Variants in BTRC observed in about 807,000 individuals in gnomAD.
The protein encoded by BTRC is beta-transducin repeat containing E3 ubiquitin protein ligase, also known as F-box/WD repeat-containing protein 1A.
In BTRC, 42 loss-of-function variants were observed where a neutral mutation model predicts 85.5. That is an observed-to-expected ratio of 0.49 (90% CI 0.38 to 0.64). The LOEUF is 0.64. Ranked by LOEUF, BTRC falls within the 30% of genes least tolerant of loss-of-function variation. The probability of loss-of-function intolerance (pLI) is 0.00; values close to 1 mark genes in which losing one functional copy is unlikely to be tolerated. For synonymous variants in BTRC, 255 were observed against 263.3 expected, an observed-to-expected ratio of 0.97 and a Z score of 0.30; for missense variants, 594 against 743.5, an observed-to-expected ratio of 0.80 and a Z score of 2.34.
intron 1 of BTRC, among the ~76,000 whole-genome samples, chr10:101,405,473 T>C (rs1943598165): frequency 6.6e-6 from 1 of 152,214 alleles, no homozygotes; most frequent in African/African-American, 2.4e-5. Context: ...CCTTCTGCAC[T>C]CCTTAAGCTA....
At chr10:101,358,336 C>A (rs1364882702) in intron 1 of BTRC, among the ~76,000 whole-genome samples, 1 of 152,106 alleles carries the variant, frequency 6.6e-6, no homozygotes, top group East Asian at 1.9e-4. Flanking sequence ...AACTCCTGGG[C>A]TCAAGGGGTC....
chr10:101,489,739 G>A (rs1167046794), intron 4 of BTRC, among the ~76,000 whole-genome samples: 2 of 152,056 alleles, frequency 1.3e-5, no homozygotes, highest in African/African-American at 4.8e-5. Flanking sequence ...TTCCTAAAAG[G>A]AAAGTTTCAT....
chr10:101,534,951 G>A (rs1422034838), intron 10 of BTRC, 41 bp downstream of exon 10: 3 of 1,588,794 alleles, frequency 1.9e-6, no homozygotes, highest in African/African-American at 2.7e-5. Context: ...CTTAGAATGG[G>A]GGAATTCATA....
At chr10:101,400,369 C>A (rs1224997214) in intron 1 of BTRC, among the ~76,000 whole-genome samples, 1 of 152,078 alleles carries the variant, frequency 6.6e-6, no homozygotes, top group East Asian at 1.9e-4. Flanking sequence ...TAAGGAGTAC[C>A]CAAGAGGGCT....
chr10:101,525,966 C>T (rs763109497), intron 5 of BTRC, 47 bp from the exon 6 acceptor site: 37 of 1,571,158 alleles, frequency 2.4e-5, no homozygotes, highest in Non-Finnish European at 2.7e-5. Flanking sequence ...AAAAATCATT[C>T]GCCACCTTCT....
At chr10:101,460,755 T>C (rs1433018908) in intron 2 of BTRC, among the ~76,000 whole-genome samples, 3 of 152,226 alleles carry the variant, frequency 2.0e-5, no homozygotes, top group Non-Finnish European at 4.4e-5. Context: ...AACACAGTAA[T>C]GATTGTATAT....
At position 101,521,888 on chromosome 10, in the gene BTRC, T is replaced by G. The variant is rs772829655; in HGVS notation, c.556+18T>G. The G allele has an allele frequency of 6.4e-7, 1 of 1,564,060 alleles. No homozygotes were observed. The highest frequency in any genetic ancestry group is 8.8e-7 in the Non-Finnish European group (1 of 1,136,752). ...TCTGCCAGGTATGTCTACAAGTGTT[T>G]GTAAACCATTAATTTGCTATGATGA... On this transcript the variant is annotated intron_variant, in intron 5 of 14. Transcript: ENST00000370187.
chr10:101,384,303 G>A (rs1157962354), intron 1 of BTRC, among the ~76,000 whole-genome samples: 1 of 152,194 alleles, frequency 6.6e-6, no homozygotes, highest in Non-Finnish European at 1.5e-5. Context: ...AGAGAGAAGA[G>A]GATGACCTTA....
At position 101,532,415 on chromosome 10, in the gene BTRC, C is replaced by T. The variant is rs770518438; in HGVS notation, c.961C>T (p.Arg321Ter). The change falls in exon 8 of 15, where the codon CGA becomes TGA. Residue 321 changes from arginine to a stop codon, truncating the protein, a stop_gained. Transcript: ENST00000370187. LOFTEE classifies it high-confidence loss of function. Reference sequence around the variant, plus strand: ...TGATCAGAAAATAGTAAGCGGCCTTCGAGACAACACAATCAAGGTGAGGTC... The same window carrying T: ...TGATCAGAAAATAGTAAGCGGCCTTTGAGACAACACAATCAAGGTGAGGTC... ...YDDQKIVSGL[R>*]DNTIKIWDKN... The T allele has an allele frequency of 2.5e-6, 4 of 1,610,724 alleles. No individual in the cohort carries two copies. The highest frequency in any genetic ancestry group is 3.4e-5 in the Admixed American group (2 of 59,344).
At chr10:101,523,885 A>G (rs1339257762) in intron 5 of BTRC, among the ~76,000 whole-genome samples, 3 of 152,156 alleles carry the variant, frequency 2.0e-5, no homozygotes, top group Non-Finnish European at 4.4e-5. Context: ...TTCATATTAT[A>G]AACCATATGA....
chr10:101,414,333 A>G (rs1943866326), intron 1 of BTRC, among the ~76,000 whole-genome samples: 1 of 152,192 alleles, frequency 6.6e-6, no homozygotes, highest in African/African-American at 2.4e-5. Context: ...ATTGTAGCCA[A>G]TGTAACGTCA....
chr10:101,534,987 A>C, intron 10 of BTRC, 77 bp downstream of exon 10: 1 of 1,493,848 alleles, frequency 6.7e-7, no homozygotes, highest in Non-Finnish European at 9.3e-7. Context: ...GGGCAATTTC[A>C]TATTTAAACG....
chr10:101,476,710 C>T (rs970704250), intron 3 of BTRC, among the ~76,000 whole-genome samples: 1 of 151,842 alleles, frequency 6.6e-6, no homozygotes, highest in African/African-American at 2.4e-5. Context: ...TCCCAAAGTG[C>T]TGGGATTATA....
chr10:101,548,220 G>A (rs528001900), intron 13 of BTRC, among the ~76,000 whole-genome samples: 1 of 152,286 alleles, frequency 6.6e-6, no homozygotes, highest in South Asian at 2.1e-4. Flanking sequence ...CCGTGGCCCA[G>A]CAAGTCTACT....
intron 14 of BTRC, among the ~76,000 whole-genome samples, chr10:101,552,178 C>G (rs184498899): frequency 6.6e-6 from 1 of 150,408 alleles, no homozygotes; most frequent in Non-Finnish European, 1.5e-5. Flanking sequence ...TATTTTATTT[C>G]ATTTTATTTT....
intron 4 of BTRC, among the ~76,000 whole-genome samples, chr10:101,505,161 A>ATATATG (rs1946498535): frequency 2.1e-5 from 3 of 142,112 alleles, no homozygotes; most frequent in African/African-American, 7.7e-5. Context: ...GTATATGTAT[A>ATATATG]TATATATATA....
chr10:101,388,383 GGGTCTCTCTCTGTTGCCCA>G (rs1589410759), intron 1 of BTRC, among the ~76,000 whole-genome samples: 1 of 151,592 alleles, frequency 6.6e-6, no homozygotes, highest in East Asian at 1.9e-4. Context: ...TGTAGAGACA[GGGTCTCTCTCTGTTGCCCA>G]GCTGTTCTCG....
In BTRC at chr10:101,475,922, CATATATATATAT is replaced by C. The variant is rs71016324; in HGVS notation, c.235-3425_235-3414del. 8.3e-4 allele frequency among the ~76,000 whole-genome samples: 56 copies of C among 67,568 alleles called. 3 individuals are homozygous for C. The highest frequency in any genetic ancestry group is 2.1e-3 in the South Asian group (3 of 1,440). 44.3% of individuals were successfully genotyped at this position (67,568 alleles called of 152,430 possible). ...TTTGCATAGTCTCCAAGTATTTTGC[CATATATATATAT>C]ATATATATATATATATATATTCAGT... On this transcript the variant is annotated intron_variant, in intron 3 of 14. Coordinates refer to ENST00000370187, the MANE Select transcript of BTRC (RefSeq NM_033637.4).
chr10:101,476,594 G>A (rs1048466475), intron 3 of BTRC, among the ~76,000 whole-genome samples: 3 of 151,556 alleles, frequency 2.0e-5, no homozygotes, highest in Non-Finnish European at 2.9e-5. Flanking sequence ...GAGTAGCCAG[G>A]ACTACAGGCC....
Sources: gnomAD v4.1 joint callset for allele counts (sites outside exome capture counted in the v4.1 genomes callset) on GRCh38, gnomAD v4.1.1 for gene constraint, MANE v1.5 for transcripts, NCBI Gene and HGNC (gene_info 2026-07-23, HGNC 2026-07-21) for gene names.